FAM13A: variants seen among roughly 807,000 people sequenced by gnomAD.
The protein encoded by FAM13A is protein FAM13A.
In FAM13A, 76 loss-of-function variants were observed where a neutral mutation model predicts 129.6. The observed-to-expected ratio is 0.59, with a 90% CI of 0.49 to 0.71. FAM13A has a LOEUF of 0.71. Among genes scored for constraint, FAM13A ranks in the 30% least tolerant of loss-of-function variants. The probability of loss-of-function intolerance (pLI) is 0.00; values close to 1 mark genes in which losing one functional copy is unlikely to be tolerated. For missense variants in FAM13A, 1,108 were observed against 1,249.3 expected (o/e 0.89, Z 1.70); for synonymous variants, 443 against 449.9 (o/e 0.98, Z 0.20).
At chr4:89,010,703 C>T (rs1265666329) in intron 3 of FAM13A, among the ~76,000 whole-genome samples, 1 of 152,150 alleles carries the variant, frequency 6.6e-6, no homozygotes, top group Non-Finnish European at 1.5e-5. Context: ...GTATTCACAA[C>T]CATCTGATAA....
intron 6 of FAM13A, among the ~76,000 whole-genome samples, chr4:88,851,513 AT>A (rs1224378385): frequency 6.6e-6 from 1 of 152,088 alleles, no homozygotes; most frequent in Non-Finnish European, 1.5e-5. Flanking sequence ...ATATGGGAGT[AT>A]GTCAGACTGG....
chr4:89,023,127 C>T (rs970730240), intron 2 of FAM13A, among the ~76,000 whole-genome samples: 15 of 152,130 alleles, frequency 9.9e-5, no homozygotes, highest in African/African-American at 2.4e-4. Flanking sequence ...GTAACGAATA[C>T]GATACGCCTT....
intron 6 of FAM13A, among the ~76,000 whole-genome samples, chr4:88,851,908 A>T (rs980660695): frequency 3.3e-5 from 5 of 152,258 alleles, no homozygotes; most frequent in Non-Finnish European, 5.9e-5. Context: ...ATATGAATAC[A>T]ATCAATATTC....
intron 6 of FAM13A, among the ~76,000 whole-genome samples, chr4:88,900,229 T>C (rs569485840): frequency 3.3e-5 from 5 of 152,160 alleles, no homozygotes; most frequent in African/African-American, 1.2e-4. Flanking sequence ...GAAAAACATA[T>C]ATCATCCAGG....
intron 12 of FAM13A, 100 bp from the exon 13 acceptor site, chr4:88,767,695 G>T: frequency 1.1e-6 from 1 of 944,442 alleles, no homozygotes; most frequent in Non-Finnish European, 1.6e-6. Context: ...AGTATGTTGA[G>T]TAGCTCTAAG....
At chr4:89,003,566 G>A (rs1764578696) in intron 3 of FAM13A, among the ~76,000 whole-genome samples, 1 of 151,958 alleles carries the variant, frequency 6.6e-6, no homozygotes, top group African/African-American at 2.4e-5. Flanking sequence ...GCAGTAAGCA[G>A]AGGTTGCAGT....
At chr4:88,784,570 C>T (rs1723604023) in intron 10 of FAM13A, among the ~76,000 whole-genome samples, 1 of 152,076 alleles carries the variant, frequency 6.6e-6, no homozygotes, top group Admixed American at 6.6e-5. Context: ...TACTTAATGT[C>T]CTGGCAATGC....
intron 20 of FAM13A, among the ~76,000 whole-genome samples, chr4:88,737,971 A>G (rs1398067605): frequency 6.6e-6 from 1 of 152,152 alleles, no homozygotes; most frequent in Non-Finnish European, 1.5e-5. Context: ...CCTTCACCCT[A>G]CTTAGGGACA....
At chr4:88,893,820 C>T (rs28488354) in intron 6 of FAM13A, among the ~76,000 whole-genome samples, 1,498 of 107,716 alleles carry the variant, frequency 0.014, 13 homozygotes, top group Non-Finnish European at 0.021. Flanking sequence ...GAGCGAGACT[C>T]CGTCTCAAAA....
chr4:89,049,793 C>A (rs1036933176), intron 1 of FAM13A, among the ~76,000 whole-genome samples: 12 of 152,144 alleles, frequency 7.9e-5, no homozygotes, highest in Non-Finnish European at 1.2e-4. Context: ...AGTAGCTGGA[C>A]TTACAGGCAC....
At chr4:88,779,544 T>C (rs528182000) in intron 11 of FAM13A, among the ~76,000 whole-genome samples, 10 of 152,280 alleles carry the variant, frequency 6.6e-5, no homozygotes, top group African/African-American at 2.2e-4. Context: ...CTAAGTTGTA[T>C]TGGCAGGGTT....
chr4:88,915,879 G>A (rs985691842), intron 5 of FAM13A, among the ~76,000 whole-genome samples: 13 of 152,042 alleles, frequency 8.6e-5, no homozygotes, highest in African/African-American at 1.4e-4. Flanking sequence ...TGGCTTTTGC[G>A]TCCTCTCTTG....
intron 7 of FAM13A, among the ~76,000 whole-genome samples, chr4:88,825,837 AAATT>A (rs913264832): frequency 5.9e-5 from 9 of 152,128 alleles, no homozygotes; most frequent in African/African-American, 9.7e-5. Flanking sequence ...TTTTTTAAAA[AAATT>A]AATTAATGCT....
At chr4:88,813,805 A>C (rs1304744023) in intron 7 of FAM13A, among the ~76,000 whole-genome samples, 2 of 152,154 alleles carry the variant, frequency 1.3e-5, no homozygotes, top group African/African-American at 4.8e-5. Flanking sequence ...TAGGATGATG[A>C]GCAGCAACTG....
chr4:88,944,037 T>G (rs1455768399), intron 4 of FAM13A, among the ~76,000 whole-genome samples: 2 of 152,226 alleles, frequency 1.3e-5, no homozygotes, highest in Non-Finnish European at 2.9e-5. Context: ...GTTTTATTTT[T>G]ACAGCACTAT....
chr4:88,758,820 C>T lies in FAM13A; in HGVS notation c.1660G>A (p.Glu554Lys). The change falls in exon 14 of 24, where the codon GAG becomes AAG. Residue 554 changes from glutamate (E) to lysine (K), a missense_variant. Coordinates refer to ENST00000264344, the MANE Select transcript of FAM13A (RefSeq NM_014883.4). ...QRNQDAGDQE[E>K]SFVSEVPQSD... is the part of the protein sequence containing the mutation. The stretch of plus-strand genomic sequence containing the variant: ...TGGGGCACTTCGGAGACAAAGCTCT[C>T]CTCCTGGTCACCGGCATCTTGATTT... The T allele has an allele frequency of 6.2e-7, 1 of 1,614,050 alleles. No homozygotes were observed. The highest frequency in any genetic ancestry group is 1.3e-5 in the African/African-American group (1 of 75,048).
chr4:88,797,426 G>A (rs987406484), intron 8 of FAM13A, among the ~76,000 whole-genome samples: 6 of 151,674 alleles, frequency 4.0e-5, no homozygotes, highest in African/African-American at 9.7e-5. Flanking sequence ...AACACACCTG[G>A]GCAATTTATT....
At position 88,768,001 on chromosome 4, in the gene FAM13A, T is replaced by G; in HGVS notation, c.1517A>C (p.Glu506Ala). ...SHERTGPDDF[E>A]WMSDERKGNE... ...AAATTACCTTTCATCAGACATCCAT[T>G]CAAAATCATCAGGTCCAGTTCTCTC... The change falls in exon 12 of 24, where the codon GAA (glutamate) becomes GCA (alanine). Residue 506 changes from glutamate to alanine, a missense_variant. This residue lies in a region of FAM13A where 13 missense variants were observed against 32.4 expected (regional missense o/e 0.40). Transcript: ENST00000264344. 1 of 1,604,150 alleles carries G rather than the reference T, an allele frequency of 6.2e-7. No homozygotes were observed.
intron 21 of FAM13A, among the ~76,000 whole-genome samples, chr4:88,734,116 A>G (rs936851953): frequency 9.9e-5 from 15 of 152,156 alleles, no homozygotes; most frequent in African/African-American, 3.6e-4. Flanking sequence ...AATTGGGAAA[A>G]ATCAGTGATC....
Sources: allele counts gnomAD v4.1 joint callset (sites outside exome capture counted in the v4.1 genomes callset), GRCh38; gene constraint gnomAD v4.1.1; regional missense constraint gnomAD v4.1.1; transcripts MANE v1.5; gene names NCBI Gene and HGNC (gene_info 2026-07-23, HGNC 2026-07-21).